Variants in AKAP10 observed in about 807,000 individuals in gnomAD.
The protein encoded by AKAP10 is A-kinase anchoring protein 10.
A neutral mutation model predicts 80.8 loss-of-function variants in AKAP10; 24 were observed. The ratio of observed to expected loss-of-function variants is 0.30; its 90% CI spans 0.22 to 0.42. The LOEUF (loss-of-function observed/expected upper bound fraction) is 0.42. Among genes scored for constraint, AKAP10 ranks in the 10% least tolerant of loss-of-function variants. The pLI, the probability that AKAP10 is intolerant of heterozygous loss-of-function variation, is 1.00. For synonymous variants in AKAP10, 291 were observed against 277.7 expected, an observed-to-expected ratio of 1.05 and a Z score of -0.48; for missense variants, 661 against 794.9, an observed-to-expected ratio of 0.83 and a Z score of 2.03.
intron 4 of AKAP10, among the ~76,000 whole-genome samples, chr17:19,950,175 C>T (rs997638097): frequency 6.6e-6 from 1 of 152,292 alleles, no homozygotes; most frequent in Admixed American, 6.5e-5. Flanking sequence ...TGTAGTGGCA[C>T]ATGCCTGCAG....
At chr17:19,924,124 T>C (rs1189925220) in intron 11 of AKAP10, among the ~76,000 whole-genome samples, 1 of 152,080 alleles carries the variant, frequency 6.6e-6, no homozygotes. Flanking sequence ...CAGCCCAGAG[T>C]AAATGATGTT....
At chr17:19,942,073 T>A (rs1340002611) in intron 5 of AKAP10, among the ~76,000 whole-genome samples, 163 bp from the exon 6 acceptor site, 1 of 152,210 alleles carries the variant, frequency 6.6e-6, no homozygotes. Flanking sequence ...ATAGAAAGTC[T>A]TTTGAAGTAC....
At chr17:19,936,706 T>A (rs934621233) in intron 8 of AKAP10, among the ~76,000 whole-genome samples, 8 of 152,336 alleles carry the variant, frequency 5.3e-5, no homozygotes, top group African/African-American at 1.4e-4. Context: ...AGGATCAGAC[T>A]ACAACTGAGG....
chr17:19,931,185 A>G (rs1457293750), intron 10 of AKAP10, among the ~76,000 whole-genome samples: 1 of 152,168 alleles, frequency 6.6e-6, no homozygotes, highest in Non-Finnish European at 1.5e-5. Flanking sequence ...ATTTTACAAA[A>G]AGTATCCTAA....
rs186916125 is a variant in AKAP10, at chr17:19,972,744, C to T, written c.89-4283G>A. Among the ~76,000 whole-genome samples, 554 of 152,276 alleles carry T rather than the reference C, an allele frequency of 3.6e-3. 2 individuals are homozygous for T. Among genetic ancestry groups the T allele is most frequent in the Admixed American group, 5.4e-3 (83 of 15,290 alleles). On this transcript the variant is annotated intron_variant, in intron 1 of 14. Transcript: ENST00000225737. The stretch of plus-strand genomic sequence containing the variant: ...TACTGGTATTACAGGCGTGAGCCAC[C>T]GCGCTTGGCGAAAGTTTTAAGTTTT...
intron 2 of AKAP10, among the ~76,000 whole-genome samples, chr17:19,967,654 G>T (rs9891503): frequency 0.28 from 42,535 of 151,960 alleles, 6,419 homozygotes; most frequent in African/African-American, 0.38. Context: ...AGGCCAAGGC[G>T]AGTGGATCAC....
intron 2 of AKAP10, among the ~76,000 whole-genome samples, chr17:19,963,256 C>T (rs1210812944): frequency 6.8e-6 from 1 of 147,266 alleles, no homozygotes; most frequent in Non-Finnish European, 1.5e-5. Context: ...TGCTCTGTCA[C>T]CCAGGCTGGA....
chr17:19,946,266 T>TA (rs2043125234), intron 5 of AKAP10, among the ~76,000 whole-genome samples: 1 of 31,918 alleles, frequency 3.1e-5, no homozygotes, highest in Admixed American at 5.2e-4. Context: ...TATATATATA[T>TA]ATATATATAT....
intron 8 of AKAP10, 61 bp downstream of exon 8, chr17:19,939,652 C>T (rs1474637919): frequency 1.3e-6 from 2 of 1,564,276 alleles, no homozygotes; most frequent in Non-Finnish European, 1.7e-6. Context: ...ATCTTTATTT[C>T]CACAAAACAT....
chr17:19,959,863 T>C (rs564059436), intron 3 of AKAP10, among the ~76,000 whole-genome samples: 2 of 152,202 alleles, frequency 1.3e-5, no homozygotes, highest in Non-Finnish European at 2.9e-5. Flanking sequence ...CATCACAAAC[T>C]TGAGGAAATT....
chr17:19,954,437 A>G (rs1204572511), intron 4 of AKAP10, among the ~76,000 whole-genome samples: 1 of 152,138 alleles, frequency 6.6e-6, no homozygotes, highest in Non-Finnish European at 1.5e-5. Context: ...CTTATACGAC[A>G]TTAACTCAAA....
chr17:19,962,296 A>ACG (rs2043361922), intron 3 of AKAP10, among the ~76,000 whole-genome samples: 1 of 45,568 alleles, frequency 2.2e-5, no homozygotes, highest in Non-Finnish European at 6.0e-5. Context: ...ACATACATAT[A>ACG]CACACACACA....
chr17:19,907,410 CT>C (rs59027197), intron 14 of AKAP10, among the ~76,000 whole-genome samples: 2,936 of 136,336 alleles, frequency 0.022, 91 homozygotes, highest in East Asian at 0.074. Context: ...TTTTCTTTAA[CT>C]TTTTTTTTTT....
intron 4 of AKAP10, among the ~76,000 whole-genome samples, chr17:19,949,532 G>A (rs2043174696): frequency 6.6e-6 from 1 of 152,062 alleles, no homozygotes; most frequent in Admixed American, 6.6e-5. Flanking sequence ...AGCACTTTGG[G>A]AGGCTGAGGA....
chr17:19,953,178 A>G (rs557809006), intron 4 of AKAP10, among the ~76,000 whole-genome samples: 26 of 152,268 alleles, frequency 1.7e-4, no homozygotes, highest in African/African-American at 5.3e-4. Context: ...TGGTAAAAGA[A>G]TAAGATTCAA....
At chr17:19,929,849 T>A (rs535240725) in intron 10 of AKAP10, 2 of 152,214 alleles carry the variant, frequency 1.3e-5, no homozygotes, top group African/African-American at 4.8e-5. Context: ...TGGTTGCACA[T>A]GCCTGTAATC....
intron 10 of AKAP10, among the ~76,000 whole-genome samples, chr17:19,928,273 T>C (rs896576335): frequency 1.3e-5 from 2 of 151,854 alleles, no homozygotes; most frequent in African/African-American, 2.4e-5. Context: ...CCAAAGGATT[T>C]GAATAAACAT....
At chr17:19,913,930 T>C (rs923632171) in intron 12 of AKAP10, among the ~76,000 whole-genome samples, 3 of 152,188 alleles carry the variant, frequency 2.0e-5, no homozygotes, top group Non-Finnish European at 4.4e-5. Flanking sequence ...AATCAGGAAA[T>C]ATAGTGCCAA....
At chr17:19,938,733 G>GTTGT (rs1375508164) in intron 8 of AKAP10, among the ~76,000 whole-genome samples, 2 of 140,786 alleles carry the variant, frequency 1.4e-5, no homozygotes, top group Non-Finnish European at 3.1e-5. Flanking sequence ...TACCTTTGTT[G>GTTGT]TTTTTTTTTT....
Sources: allele counts gnomAD v4.1 joint callset (sites outside exome capture counted in the v4.1 genomes callset), GRCh38; gene constraint gnomAD v4.1.1; transcripts MANE v1.5; gene names NCBI Gene and HGNC (gene_info 2026-07-23, HGNC 2026-07-21).